DOCK4: variants seen among roughly 807,000 people sequenced by gnomAD.
DOCK4 encodes dedicator of cytokinesis protein 4.
Under a neutral mutation model 268.1 loss-of-function variants are expected in DOCK4, and 97 were observed. That is an observed-to-expected ratio of 0.36 (90% CI 0.31 to 0.43). The LOEUF (loss-of-function observed/expected upper bound fraction) is 0.43, where lower values mean the gene tolerates loss of function less well. Among genes scored for constraint, DOCK4 ranks in the 20% least tolerant of loss-of-function variants. The pLI, the probability that DOCK4 is intolerant of heterozygous loss-of-function variation, is 1.00. For missense variants in DOCK4, 2,145 were observed against 2,455.7 expected, an observed-to-expected ratio of 0.87 and a Z score of 2.67; for synonymous variants, 954 against 887.2, an observed-to-expected ratio of 1.08 and a Z score of -1.34.
intron 5 of DOCK4, among the ~76,000 whole-genome samples, chr7:111,992,388 A>C (rs1455187138): frequency 6.6e-6 from 1 of 152,214 alleles, no homozygotes; most frequent in Non-Finnish European, 1.5e-5. Context: ...TACATTAGGA[A>C]AAGAGAAACC....
At chr7:112,099,766 A>G in intron 1 of DOCK4, among the ~76,000 whole-genome samples, 1 of 152,228 alleles carries the variant, frequency 6.6e-6, no homozygotes, top group East Asian at 1.9e-4. Flanking sequence ...TAAACAGATG[A>G]CATAGAAGAT....
chr7:111,823,689 A>C (rs931807777), intron 26 of DOCK4, among the ~76,000 whole-genome samples: 17 of 152,206 alleles, frequency 1.1e-4, no homozygotes, highest in Admixed American at 6.5e-5. Flanking sequence ...AAACTTAAAG[A>C]GTTTTTGGTA....
chr7:112,129,388 C>T (rs772225702), intron 1 of DOCK4, among the ~76,000 whole-genome samples: 1 of 152,050 alleles, frequency 6.6e-6, no homozygotes, highest in Non-Finnish European at 1.5e-5. Context: ...GATGGGTACA[C>T]CTATAAAGGG....
chr7:112,016,771 C>G (rs976559710), intron 1 of DOCK4, among the ~76,000 whole-genome samples: 1 of 152,114 alleles, frequency 6.6e-6, no homozygotes, highest in Non-Finnish European at 1.5e-5. Flanking sequence ...AACGACTACT[C>G]AGTATATCAG....
At chr7:111,837,556 C>T (rs1288200416) in intron 25 of DOCK4, among the ~76,000 whole-genome samples, 1 of 151,950 alleles carries the variant, frequency 6.6e-6, no homozygotes, top group Non-Finnish European at 1.5e-5. Flanking sequence ...TATTTACATT[C>T]CAAAATATAA....
chr7:111,821,307 A>C (rs1332283081), intron 27 of DOCK4: 1 of 152,170 alleles, frequency 6.6e-6, no homozygotes, highest in Non-Finnish European at 1.5e-5. Flanking sequence ...TCCAACCTTC[A>C]TCCTGAGCAT....
At chr7:111,846,822 G>A (rs907683395) in intron 24 of DOCK4, among the ~76,000 whole-genome samples, 177 bp downstream of exon 24, 16 of 152,306 alleles carry the variant, frequency 1.1e-4, no homozygotes, top group African/African-American at 3.1e-4. Context: ...TGGGGTTACA[G>A]AATCCCACAA....
intron 1 of DOCK4, among the ~76,000 whole-genome samples, chr7:112,030,246 G>A (rs1803157620): frequency 6.6e-6 from 1 of 152,214 alleles, no homozygotes; most frequent in South Asian, 2.1e-4. Flanking sequence ...TCAAGACTGA[G>A]AAAAGGGCTG....
chr7:111,800,776 A>C (rs1280836631), intron 30 of DOCK4, among the ~76,000 whole-genome samples: 1 of 152,102 alleles, frequency 6.6e-6, no homozygotes, highest in Non-Finnish European at 1.5e-5. Flanking sequence ...ACCTCAGGAG[A>C]AGGCCCAACT....
At chr7:111,905,197 A>T (rs1412380332) in intron 13 of DOCK4, among the ~76,000 whole-genome samples, 1 of 152,222 alleles carries the variant, frequency 6.6e-6, no homozygotes, top group African/African-American at 2.4e-5. Context: ...GAGAAAACTC[A>T]TGAGTCCAAA....
At chr7:112,061,241 C>G (rs916912419) in intron 1 of DOCK4, among the ~76,000 whole-genome samples, 5 of 152,184 alleles carry the variant, frequency 3.3e-5, no homozygotes, top group Non-Finnish European at 7.3e-5. Context: ...GCCCCACACA[C>G]AGAAGTGACT....
chr7:111,926,478 A>C (rs568501158), intron 12 of DOCK4, among the ~76,000 whole-genome samples: 4 of 148,702 alleles, frequency 2.7e-5, no homozygotes, highest in African/African-American at 1.0e-4. Context: ...GAAAGAAAGA[A>C]AGAAAAAGAA....
intron 1 of DOCK4, among the ~76,000 whole-genome samples, chr7:112,198,965 C>T (rs947651923): frequency 2.0e-5 from 3 of 152,172 alleles, no homozygotes; most frequent in South Asian, 2.1e-4. Context: ...ACAGACAACA[C>T]GGCAAGGGAC....
chr7:111,925,248 C>A (rs907960529), intron 12 of DOCK4, among the ~76,000 whole-genome samples: 1 of 152,096 alleles, frequency 6.6e-6, no homozygotes, highest in African/African-American at 2.4e-5. Context: ...ACATTAGAAG[C>A]TATATATCCT....
chr7:111,868,250 T>C lies in DOCK4; in HGVS notation c.2110-96A>G, dbSNP rs533966288. On this transcript the variant is annotated intron_variant, in intron 21 of 52. Coordinates refer to ENST00000428084, the MANE Select transcript of DOCK4 (RefSeq NM_001363540.2). ...TAAAAACCATGGTATGGCATTAAACTTTTACATTATTCATGTAGACACCAA... is the reference window on the plus strand; with the variant it reads ...TAAAAACCATGGTATGGCATTAAACCTTTACATTATTCATGTAGACACCAA... 735 of 959,238 alleles carry C rather than the reference T, an allele frequency of 7.7e-4. 5 individuals carry two copies. In the African/African-American group the frequency reaches 0.011, roughly 15 times the overall value. 59.4% of individuals were successfully genotyped at this position (959,238 alleles called of 1,614,324 possible).
intron 1 of DOCK4, among the ~76,000 whole-genome samples, chr7:112,132,183 G>T (rs888272399): frequency 6.6e-6 from 1 of 151,934 alleles, no homozygotes; most frequent in African/African-American, 2.4e-5. Flanking sequence ...ATGTAAACTG[G>T]CCCCCTACTT....
chr7:112,090,031 T>C (rs1404546802), intron 1 of DOCK4, among the ~76,000 whole-genome samples: 1 of 152,156 alleles, frequency 6.6e-6, no homozygotes, highest in Non-Finnish European at 1.5e-5. Flanking sequence ...AACTGAAGAA[T>C]CACAAAATAT....
intron 10 of DOCK4, among the ~76,000 whole-genome samples, chr7:111,942,510 C>T (rs769810733): frequency 1.3e-5 from 2 of 152,216 alleles, no homozygotes; most frequent in African/African-American, 4.8e-5. Context: ...TTCTCTTCAC[C>T]GCCTTGCCTC....
chr7:111,989,165 T>C lies in DOCK4; in HGVS notation c.316-2A>G. ...GTGGAAGAGATCGCCTTCATTACGCTAAGAAATATACAAATGTGGAGATTT... is the reference window on the plus strand; with the variant it reads ...GTGGAAGAGATCGCCTTCATTACGCCAAGAAATATACAAATGTGGAGATTT... On this transcript the variant is annotated splice_acceptor_variant, in intron 5 of 52. Transcript: ENST00000428084. LOFTEE classifies it high-confidence loss of function. The C allele has an allele frequency of 6.2e-7, 1 of 1,613,942 alleles. No homozygotes were observed. The highest frequency in any genetic ancestry group is 8.5e-7 in the Non-Finnish European group (1 of 1,179,872).
Sources: gnomAD v4.1 joint callset for allele counts (sites outside exome capture counted in the v4.1 genomes callset) on GRCh38, gnomAD v4.1.1 for gene constraint, MANE v1.5 for transcripts, NCBI Gene and HGNC (gene_info 2026-07-23, HGNC 2026-07-21) for gene names.